RTL4: variants seen among roughly 807,000 people sequenced by gnomAD.
The protein encoded by RTL4 is retrotransposon Gag-like protein 4.
Under a neutral mutation model 5.3 loss-of-function variants are expected in RTL4, and 4 were observed. The observed-to-expected ratio is 0.75, with a 90% confidence interval of 0.37 to 1.72. RTL4 has a LOEUF of 1.72. RTL4 is among the 40% of genes most tolerant of loss of function. RTL4 has a pLI of 0.04. For missense variants in RTL4, 260 were observed against 227.1 expected, an observed-to-expected ratio of 1.14 and a Z score of -0.93; for synonymous variants, 98 against 87.3, an observed-to-expected ratio of 1.12 and a Z score of -0.68.
At chrX:112,183,969 A>T in the RTL4 span, among the ~76,000 whole-genome samples, 8 of 111,242 alleles carry the variant, frequency 7.2e-5, no homozygotes, top group South Asian at 3.1e-3. Context: ...CATGATTTAT[A>T]ATCCTCTGGG....
chrX:112,406,522 A>C, the RTL4 span, among the ~76,000 whole-genome samples: 18 of 111,210 alleles, frequency 1.6e-4, no homozygotes, highest in African/African-American at 5.9e-4. Context: ...ATTCATGAGA[A>C]ACCACCCCTA....
At chrX:112,130,110 G>GT in the RTL4 span, among the ~76,000 whole-genome samples, 178 of 111,285 alleles carry the variant, frequency 1.6e-3, no homozygotes, top group East Asian at 3.4e-3. Flanking sequence ...AAATGCTAGG[G>GT]TTTTTTTGAA....
the RTL4 span, among the ~76,000 whole-genome samples, chrX:112,439,731 A>C: frequency 9.0e-6 from 1 of 110,965 alleles, no homozygotes; most frequent in East Asian, 2.9e-4. Flanking sequence ...TTGCTCTGTT[A>C]GTTCCTGTGA....
At chrX:112,373,639 A>T in the RTL4 span, among the ~76,000 whole-genome samples, 1 of 110,122 alleles carries the variant, frequency 9.1e-6, no homozygotes, top group Non-Finnish European at 1.9e-5. Context: ...TGGAATACAT[A>T]CAATAAAATG....
chrX:112,181,763 A>T, the RTL4 span, among the ~76,000 whole-genome samples: 2 of 111,881 alleles, frequency 1.8e-5, no homozygotes, highest in East Asian at 5.7e-4. Flanking sequence ...GCTTCAGCAG[A>T]CTTAAAAGTT....
At chrX:112,317,326 G>A in the RTL4 span, among the ~76,000 whole-genome samples, 1 of 111,831 alleles carries the variant, frequency 8.9e-6, no homozygotes, top group African/African-American at 3.3e-5. Flanking sequence ...TCCCAGAGAC[G>A]TAATTACCAA....
chrX:112,426,323 T>C, the RTL4 span, among the ~76,000 whole-genome samples: 2 of 111,600 alleles, frequency 1.8e-5, no homozygotes, highest in African/African-American at 6.5e-5. Flanking sequence ...TATCTTTATA[T>C]TAAAATTTGA....
the RTL4 span, among the ~76,000 whole-genome samples, chrX:112,153,353 G>A: frequency 2.7e-5 from 3 of 112,361 alleles, 1 homozygote; most frequent in Middle Eastern, 0.014. Flanking sequence ...GTCAATTTAT[G>A]TAAAGTAGGA....
the RTL4 span, among the ~76,000 whole-genome samples, chrX:112,402,379 C>T: frequency 9.8e-6 from 1 of 102,016 alleles, no homozygotes; most frequent in African/African-American, 3.6e-5. Context: ...AGGTTTAGCT[C>T]ATTTCTTTGC....
chrX:112,341,074 A>T, the RTL4 span, among the ~76,000 whole-genome samples: 2 of 111,107 alleles, frequency 1.8e-5, no homozygotes, highest in African/African-American at 6.6e-5. Flanking sequence ...AAATTAACTT[A>T]AAAAACTTCT....
At chrX:112,108,979 A>AT in the RTL4 span, among the ~76,000 whole-genome samples, 3 of 109,366 alleles carry the variant, frequency 2.7e-5, no homozygotes, top group Non-Finnish European at 5.7e-5. Flanking sequence ...GTCTATGATC[A>AT]TTTTTTTCTC....
the RTL4 span, among the ~76,000 whole-genome samples, chrX:112,401,814 A>G: frequency 1.8e-5 from 2 of 112,025 alleles, no homozygotes; most frequent in African/African-American, 6.5e-5. Context: ...TTCCTTAAAT[A>G]CTTTAATCAA....
At chrX:112,166,792 G>A in the RTL4 span, among the ~76,000 whole-genome samples, 13 of 111,977 alleles carry the variant, frequency 1.2e-4, no homozygotes, top group African/African-American at 3.9e-4. Context: ...ACAAAAGTAC[G>A]CACTGCATGA....
At chrX:112,375,588 G>C in the RTL4 span, among the ~76,000 whole-genome samples, 1 of 111,248 alleles carries the variant, frequency 9.0e-6, no homozygotes, top group Non-Finnish European at 1.9e-5. Context: ...TTGGAGGAGG[G>C]ATGATGTGGG....
chrX:112,259,792 T>C, the RTL4 span, among the ~76,000 whole-genome samples: 2 of 111,844 alleles, frequency 1.8e-5, no homozygotes, highest in Non-Finnish European at 3.8e-5. Context: ...TTCTCTGAAT[T>C]TCAATCCTTC....
At chrX:112,278,103 A>G in the RTL4 span, among the ~76,000 whole-genome samples, 1 of 112,414 alleles carries the variant, frequency 8.9e-6, no homozygotes, top group Admixed American at 9.4e-5. Flanking sequence ...CAAGAGAAAT[A>G]TAAATAATTT....
chrX:112,288,910 G>T, the RTL4 span, among the ~76,000 whole-genome samples: 1 of 111,881 alleles, frequency 8.9e-6, no homozygotes, highest in Non-Finnish European at 1.9e-5. Context: ...ACAGGATGAG[G>T]ATTCACATGT....
chrX:112,280,372 T>C, the RTL4 span, among the ~76,000 whole-genome samples: 33 of 111,862 alleles, frequency 3.0e-4, no homozygotes, highest in African/African-American at 1.1e-3. Flanking sequence ...CTATGCTCAC[T>C]ACTTGGGTGA....
the RTL4 span, among the ~76,000 whole-genome samples, chrX:112,176,357 C>A: frequency 2.7e-5 from 3 of 111,848 alleles, no homozygotes; most frequent in Non-Finnish European, 5.6e-5. Flanking sequence ...AGAAAGAATT[C>A]TCAGAGCATT....
Sources: allele counts gnomAD v4.1 joint callset (sites outside exome capture counted in the v4.1 genomes callset), GRCh38; gene constraint gnomAD v4.1.1; transcripts MANE v1.5; gene names NCBI Gene and HGNC (gene_info 2026-07-23, HGNC 2026-07-21).